The following EYS variants were observed in gnomAD, a reference collection of about 807,000 sequenced individuals.
EYS encodes the protein EGF-like photoreceptor maintenance factor.
A neutral mutation model predicts 282.1 loss-of-function variants in EYS; 250 were observed. That is an observed-to-expected ratio of 0.89 (90% CI 0.80 to 0.98). The LOEUF is 0.98. Among genes scored for constraint, EYS ranks in the 50% least tolerant of loss-of-function variants. The pLI is 0.00. For missense variants in EYS, 4,016 were observed against 3,709.0 expected (o/e 1.08, Z -2.15); for synonymous variants, 1,355 against 1,282.9 (o/e 1.06, Z -1.20).
At chr6:64,161,982 G>A (rs1297701771) in intron 31 of EYS, among the ~76,000 whole-genome samples, 1 of 152,040 alleles carries the variant, frequency 6.6e-6, no homozygotes, top group Non-Finnish European at 1.5e-5. Flanking sequence ...TTGGTTTGTG[G>A]GAATTTCCAG....
intron 12 of EYS, among the ~76,000 whole-genome samples, chr6:65,121,252 A>G (rs1775540157): frequency 6.6e-6 from 1 of 152,156 alleles, no homozygotes; most frequent in African/African-American, 2.4e-5. Flanking sequence ...CCAAAAGAGT[A>G]TACACCAAGT....
chr6:63,899,737 A>G (rs1290002580), intron 35 of EYS, among the ~76,000 whole-genome samples: 2 of 152,122 alleles, frequency 1.3e-5, no homozygotes, highest in Non-Finnish European at 2.9e-5. Flanking sequence ...AGGTTTACTC[A>G]TGCCTCTCCC....
intron 33 of EYS, among the ~76,000 whole-genome samples, chr6:64,007,812 A>G (rs1042020073): frequency 6.6e-5 from 10 of 152,016 alleles, no homozygotes; most frequent in Non-Finnish European, 1.0e-4. Context: ...CATTTTTCTT[A>G]GCATTGATTT....
Position 64,490,378 on chromosome 6 carries a change from T to G in EYS, c.5645-51026A>C, listed in dbSNP as rs190734662. The stretch of plus-strand genomic sequence containing the variant: ...AAAATATGTCATGGTAGTTAAAAGA[T>G]AGAAGGTAATGTCTAACTGTTTAAT... On this transcript the variant is annotated intron_variant, in intron 26 of 42. Coordinates refer to ENST00000503581, the MANE Select transcript of EYS (RefSeq NM_001142800.2). 2.1e-3 allele frequency among the ~76,000 whole-genome samples: 311 copies of G among 151,068 alleles called. 1 individual carries two copies. Among genetic ancestry groups the G allele is most frequent in the Non-Finnish European group, 2.4e-3 (158 of 67,190 alleles).
chr6:65,390,611 T>C (rs2150355975), intron 7 of EYS, among the ~76,000 whole-genome samples: 1 of 151,800 alleles, frequency 6.6e-6, no homozygotes, highest in South Asian at 2.1e-4. Context: ...GGGCTGGGCA[T>C]GGTGGCTTAT....
chr6:64,416,366 C>A (rs1315386881), intron 28 of EYS, among the ~76,000 whole-genome samples: 3 of 152,132 alleles, frequency 2.0e-5, no homozygotes, highest in Admixed American at 6.6e-5. Flanking sequence ...TCTTCATTTT[C>A]TAGTCTCATC....
intron 24 of EYS, among the ~76,000 whole-genome samples, chr6:64,598,489 C>T (rs609505): frequency 0.12 from 18,646 of 152,032 alleles, 1,183 homozygotes; most frequent in East Asian, 0.17. Context: ...AAACAAAAAC[C>T]TAATAGGTAC....
intron 22 of EYS, among the ~76,000 whole-genome samples, chr6:64,758,946 G>A (rs1359469279): frequency 1.3e-5 from 2 of 152,132 alleles, no homozygotes; most frequent in African/African-American, 4.8e-5. Context: ...AGACCATCCT[G>A]GCTAACACGG....
At chr6:65,619,633 G>A (rs530967448) in intron 2 of EYS, among the ~76,000 whole-genome samples, 12 of 151,828 alleles carry the variant, frequency 7.9e-5, no homozygotes, top group East Asian at 5.8e-4. Context: ...TCTTGTGCCC[G>A]TTTTCAAAGG....
chr6:64,633,273 A>G (rs1243746837), intron 22 of EYS, among the ~76,000 whole-genome samples: 1 of 152,204 alleles, frequency 6.6e-6, no homozygotes. Flanking sequence ...TAAAAAGGAC[A>G]TTAACTACAC....
intron 12 of EYS, among the ~76,000 whole-genome samples, chr6:65,270,090 C>G (rs1417760690): frequency 7.2e-5 from 11 of 152,096 alleles, no homozygotes. Context: ...GCCAATTCAT[C>G]CTGAGGCAAA....
intron 40 of EYS, among the ~76,000 whole-genome samples, chr6:63,775,413 A>G (rs879287485): frequency 6.6e-6 from 1 of 152,172 alleles, no homozygotes; most frequent in African/African-American, 2.4e-5. Flanking sequence ...TCCTTTTACA[A>G]TTGATTCTAA....
intron 22 of EYS, among the ~76,000 whole-genome samples, chr6:64,724,068 GTTT>G (rs5876916): frequency 3.5e-4 from 53 of 150,948 alleles, no homozygotes; most frequent in Admixed American, 3.5e-3. Context: ...AATCATTGTT[GTTT>G]TTTTTTTTGT....
In EYS at chr6:64,861,578, C is replaced by A. The variant is rs373040157; in HGVS notation, c.2992+25119G>T. Among the ~76,000 whole-genome samples the A allele has an allele frequency of 3.3e-5, 5 of 152,298 alleles. No individual in the cohort carries two copies. The East Asian group carries it at 9.7e-4, about 30-fold the overall frequency. ...CATGGCTGGACAGCCTCAGCTGCAG[C>A]TGAGGAAGGCAAGGCTTCCACCCTG... On this transcript the variant is annotated intron_variant, in intron 19 of 42. Transcript: ENST00000503581.
chr6:64,857,907 T>C (rs1766115571), intron 19 of EYS, among the ~76,000 whole-genome samples: 1 of 152,194 alleles, frequency 6.6e-6, no homozygotes, highest in Non-Finnish European at 1.5e-5. Flanking sequence ...ATGTCTTCTT[T>C]TGAAAAATGT....
chr6:64,570,125 T>C (rs1480897489), intron 26 of EYS, among the ~76,000 whole-genome samples: 3 of 152,036 alleles, frequency 2.0e-5, no homozygotes, highest in African/African-American at 4.8e-5. Context: ...CAGAAGAGAG[T>C]GGGGGCCAAT....
At chr6:65,477,514 A>T (rs1289588905) in intron 5 of EYS, among the ~76,000 whole-genome samples, 1 of 152,184 alleles carries the variant, frequency 6.6e-6, no homozygotes, top group Non-Finnish European at 1.5e-5. Context: ...GAAGTGGAAA[A>T]TTATCACAAT....
chr6:63,913,289 C>A (rs1764324518), intron 35 of EYS, among the ~76,000 whole-genome samples: 2 of 152,164 alleles, frequency 1.3e-5, no homozygotes, highest in South Asian at 4.1e-4. Flanking sequence ...AAGAAGAAAA[C>A]TGACATGTGA....
chr6:65,295,644 T>C, intron 12 of EYS: 1 of 544,786 alleles, frequency 1.8e-6, no homozygotes, highest in Non-Finnish European at 3.2e-6. Flanking sequence ...TTATTAGTCT[T>C]ATTTGCATGA....
Sources: gnomAD v4.1 joint callset for allele counts (sites outside exome capture counted in the v4.1 genomes callset) on GRCh38, gnomAD v4.1.1 for gene constraint, MANE v1.5 for transcripts, NCBI Gene and HGNC (gene_info 2026-07-23, HGNC 2026-07-21) for gene names.